PYHIN1: variants seen among roughly 807,000 people sequenced by gnomAD.
PYHIN1 encodes pyrin and HIN domain-containing protein 1.
A neutral mutation model predicts 43.7 loss-of-function variants in PYHIN1; 32 were observed. The observed-to-expected ratio is 0.73, with a 90% CI of 0.55 to 0.98. PYHIN1 has a LOEUF of 0.98. Ranked by LOEUF, PYHIN1 falls within the 50% of genes least tolerant of loss-of-function variation. PYHIN1 has a pLI of 0.00. For missense variants in PYHIN1, 588 were observed against 589.5 expected, an observed-to-expected ratio of 1.00 and a Z score of 0.03; for synonymous variants, 205 against 203.1, an observed-to-expected ratio of 1.01 and a Z score of -0.08.
intron 7 of PYHIN1, among the ~76,000 whole-genome samples, chr1:158,966,056 C>T (rs889000859): frequency 2.0e-5 from 3 of 152,028 alleles, no homozygotes; most frequent in African/African-American, 7.2e-5. Flanking sequence ...TACCACTGAC[C>T]CCACAGAAAT....
At chr1:158,951,987 T>C (rs1301415749) in intron 7 of PYHIN1, among the ~76,000 whole-genome samples, 1 of 152,204 alleles carries the variant, frequency 6.6e-6, no homozygotes, top group Admixed American at 6.5e-5. Context: ...GGATGTCGCT[T>C]GTATACAAGG....
At chr1:158,981,218 C>A (rs1200594616), downstream of PYHIN1, among the ~76,000 whole-genome samples, 1 of 152,158 alleles carries the variant, frequency 6.6e-6, no homozygotes, top group Non-Finnish European at 1.5e-5. Context: ...TAAGCATACA[C>A]ATGTACTTTG....
chr1:158,978,374 A>C (rs1274293085), downstream of PYHIN1, among the ~76,000 whole-genome samples: 1 of 152,034 alleles, frequency 6.6e-6, no homozygotes, highest in Non-Finnish European at 1.5e-5. Context: ...CCTCATGTGC[A>C]GTGAAAAAAC....
At chr1:158,952,468 G>C (rs777290326) in intron 7 of PYHIN1, among the ~76,000 whole-genome samples, 4 of 152,110 alleles carry the variant, frequency 2.6e-5, no homozygotes, top group Non-Finnish European at 4.4e-5. Flanking sequence ...GCTTAAGACA[G>C]GGTTCCATAC....
chr1:158,939,356 A>C (rs1648764043), intron 4 of PYHIN1, 109 bp downstream of exon 4: 2 of 1,596,822 alleles, frequency 1.3e-6, no homozygotes, highest in Non-Finnish European at 1.7e-6. Flanking sequence ...AGTAAATCAA[A>C]TGTATAGACT....
At chr1:158,936,153 G>C (rs1648526738) in intron 1 of PYHIN1, among the ~76,000 whole-genome samples, 1 of 140,594 alleles carries the variant, frequency 7.1e-6, no homozygotes, top group African/African-American at 2.6e-5. Flanking sequence ...TTGGTGTGCT[G>C]CACCCATTAA....
intron 7 of PYHIN1, among the ~76,000 whole-genome samples, chr1:158,955,631 A>G (rs1649870014): frequency 7.6e-6 from 1 of 130,742 alleles, no homozygotes; most frequent in Non-Finnish European, 1.6e-5. Context: ...ATAGCACTAA[A>G]TGCCCACAAG....
the PYHIN1 span, among the ~76,000 whole-genome samples, chr1:158,984,026 CTG>C: frequency 1.9e-4 from 13 of 67,724 alleles, no homozygotes; most frequent in Non-Finnish European, 2.4e-4. Flanking sequence ...GGATCTTCTC[CTG>C]TTTTTTTTTT....
downstream of PYHIN1, among the ~76,000 whole-genome samples, chr1:158,981,583 G>A (rs1651487951): frequency 6.6e-6 from 1 of 152,206 alleles, no homozygotes; most frequent in South Asian, 2.1e-4. Context: ...GGGATTGCTG[G>A]GTCAAATGTT....
At chr1:158,962,269 G>C (rs1187922210) in intron 7 of PYHIN1, among the ~76,000 whole-genome samples, 1 of 152,026 alleles carries the variant, frequency 6.6e-6, no homozygotes, top group Non-Finnish European at 1.5e-5. Context: ...CCTGGGCTTT[G>C]GTGACTATAG....
At chr1:158,937,453 A>G (rs774836685) in intron 2 of PYHIN1, among the ~76,000 whole-genome samples, 1 of 152,238 alleles carries the variant, frequency 6.6e-6, no homozygotes, top group Admixed American at 6.5e-5. Context: ...GAAAGATTAC[A>G]TAATGACAAA....
chr1:158,968,952 C>T (rs549801207), intron 7 of PYHIN1, among the ~76,000 whole-genome samples: 1 of 151,892 alleles, frequency 6.6e-6, no homozygotes, highest in Non-Finnish European at 1.5e-5. Context: ...GGGTATCAAG[C>T]TTAATACCTG....
chr1:158,949,472 G>A (rs574979194), intron 7 of PYHIN1, among the ~76,000 whole-genome samples: 161 of 151,932 alleles, frequency 1.1e-3, no homozygotes, highest in African/African-American at 2.1e-3. Flanking sequence ...ATGCTGGTGC[G>A]CTGTACCCAC....
At chr1:158,944,089 G>A in intron 6 of PYHIN1, 111 bp downstream of exon 6, 2 of 781,084 alleles carry the variant, frequency 2.6e-6, no homozygotes, top group Non-Finnish European at 3.8e-6. Flanking sequence ...CAGAGTTCAT[G>A]AGAAACCAAA....
At position 158,942,290 on chromosome 1, in the gene PYHIN1, T is replaced by C. The variant is rs1159695811; in HGVS notation, c.893T>C (p.Phe298Ser). Residue 298 changes from phenylalanine to serine, a missense_variant, in exon 5 of 9, where the codon TTT becomes TCT. Coordinates refer to ENST00000368140, the MANE Select transcript of PYHIN1 (RefSeq NM_152501.5). Reference protein sequence around the residue: ...SVSEAGPDQTFEVPKDIIRRA... With the variant: ...SVSEAGPDQTSEVPKDIIRRA... ...TCTGAAGCTGGTCCTGACCAAACGT[T>C]TGAGGTTCCAAAGGACATCATCAGA... The C allele has an allele frequency of 1.2e-6, 2 of 1,613,964 alleles. No homozygotes were observed. The highest frequency in any genetic ancestry group is 1.7e-6 in the Non-Finnish European group (2 of 1,179,966).
At chr1:158,967,789 G>T (rs953897759) in intron 7 of PYHIN1, among the ~76,000 whole-genome samples, 1 of 151,772 alleles carries the variant, frequency 6.6e-6, no homozygotes, top group East Asian at 1.9e-4. Context: ...AAATAAGGCC[G>T]CCCACCTACA....
intron 7 of PYHIN1, among the ~76,000 whole-genome samples, chr1:158,949,823 A>G (rs1649432911): frequency 6.6e-6 from 1 of 152,142 alleles, no homozygotes; most frequent in Non-Finnish European, 1.5e-5. Context: ...TGCTATTGTG[A>G]GCACAGGAAG....
the PYHIN1 span, among the ~76,000 whole-genome samples, chr1:158,984,216 C>T: frequency 2.6e-5 from 4 of 151,548 alleles, no homozygotes; most frequent in South Asian, 8.3e-4. Context: ...TTTGTTTTTT[C>T]TAGTTCCTGT....
At chr1:158,948,414 C>T (rs1241547559) in intron 7 of PYHIN1, among the ~76,000 whole-genome samples, 1 of 152,164 alleles carries the variant, frequency 6.6e-6, no homozygotes, top group Non-Finnish European at 1.5e-5. Context: ...CTCATTCCAA[C>T]CATGTATTGA....
Sources: allele counts gnomAD v4.1 joint callset (sites outside exome capture counted in the v4.1 genomes callset), GRCh38; gene constraint gnomAD v4.1.1; transcripts MANE v1.5; gene names NCBI Gene and HGNC (gene_info 2026-07-23, HGNC 2026-07-21).